NEBL: variants seen among roughly 807,000 people sequenced by gnomAD.
NEBL encodes nebulette.
NEBL carries 122 observed loss-of-function variants against 140.2 expected under a neutral mutation model. The observed-to-expected ratio is 0.87, with a 90% CI of 0.75 to 1.01. NEBL has a LOEUF of 1.01. NEBL is among the 50% of genes least tolerant of loss of function. The probability of loss-of-function intolerance (pLI) is 0.00; values close to 1 mark genes in which losing one functional copy is unlikely to be tolerated. For missense variants in NEBL, 1,365 were observed against 1,231.3 expected (o/e 1.11, Z -1.62); for synonymous variants, 436 against 398.9 (o/e 1.09, Z -1.11).
chr10:20,796,138 C>A (rs1357135239), intron 26 of NEBL, among the ~76,000 whole-genome samples: 1 of 151,766 alleles, frequency 6.6e-6, no homozygotes, highest in African/African-American at 2.4e-5. Flanking sequence ...CTGAGGCGGG[C>A]GGATCATTTG....
At chr10:20,838,661 A>T (rs11012355) in intron 13 of NEBL, among the ~76,000 whole-genome samples, 3,648 of 152,262 alleles carry the variant, frequency 0.024, 66 homozygotes, top group Non-Finnish European at 0.033. Context: ...GAAATCTTTC[A>T]TGAGAGGAAG....
intron 3 of NEBL, among the ~76,000 whole-genome samples, chr10:20,976,313 G>A (rs1836795309): frequency 6.6e-6 from 1 of 150,442 alleles, no homozygotes; most frequent in African/African-American, 2.5e-5. Flanking sequence ...CTGCACTCCA[G>A]CCTGGGCGAC....
At chr10:21,263,694 G>A (rs901340716) in intron 1 of NEBL, among the ~76,000 whole-genome samples, 9 of 152,248 alleles carry the variant, frequency 5.9e-5, no homozygotes, top group Non-Finnish European at 1.3e-4. Context: ...GCCAGGCACA[G>A]TGGCTCACGC....
At chr10:20,853,289 T>C (rs879930183) in intron 9 of NEBL, among the ~76,000 whole-genome samples, 14 of 152,298 alleles carry the variant, frequency 9.2e-5, no homozygotes, top group Middle Eastern at 3.4e-3. Context: ...TATTTGGACA[T>C]ATAGACAAAA....
chr10:21,248,484 A>AT (rs1842546925), intron 2 of NEBL, among the ~76,000 whole-genome samples: 1 of 152,174 alleles, frequency 6.6e-6, no homozygotes, highest in Non-Finnish European at 1.5e-5. Context: ...TCCATGTTGT[A>AT]TCATGTGTCA....
At chr10:21,261,357 G>C (rs1168742612) in intron 1 of NEBL, among the ~76,000 whole-genome samples, 1 of 152,094 alleles carries the variant, frequency 6.6e-6, no homozygotes, top group East Asian at 1.9e-4. Context: ...CTAATCATCA[G>C]TACCTTCAAA....
intron 12 of NEBL, among the ~76,000 whole-genome samples, chr10:20,842,879 C>G (rs1841528128): frequency 6.6e-6 from 1 of 152,042 alleles, no homozygotes; most frequent in Non-Finnish European, 1.5e-5. Flanking sequence ...CTCCCACCCT[C>G]CAGCCTCTGT....
At chr10:21,285,044 G>A (rs563163700) in intron 1 of NEBL, among the ~76,000 whole-genome samples, 1 of 152,152 alleles carries the variant, frequency 6.6e-6, no homozygotes, top group Non-Finnish European at 1.5e-5. Context: ...CTGAGTGACA[G>A]AGCAAAATCC....
At chr10:21,288,820 G>GTGTGTATATATATATATA (rs1477748950) in intron 1 of NEBL, among the ~76,000 whole-genome samples, 6 of 35,024 alleles carry the variant, frequency 1.7e-4, no homozygotes, top group African/African-American at 5.8e-4. Context: ...GTGTGTGTGT[G>GTGTGTATATATATATATA]TATATATATA....
intron 10 of NEBL, among the ~76,000 whole-genome samples, chr10:20,850,909 A>G (rs540064451): frequency 6.6e-6 from 1 of 152,364 alleles, no homozygotes; most frequent in East Asian, 1.9e-4. Flanking sequence ...AACAAGAAAG[A>G]AAACATGGGT....
chr10:21,277,458 C>T (rs184530849), intron 1 of NEBL, among the ~76,000 whole-genome samples: 35 of 152,308 alleles, frequency 2.3e-4, no homozygotes, highest in African/African-American at 8.4e-4. Context: ...GATCCACCCA[C>T]TTTTGCCTCT....
intron 4 of NEBL, among the ~76,000 whole-genome samples, chr10:20,919,673 C>G (rs886641979): frequency 6.6e-6 from 1 of 152,034 alleles, no homozygotes; most frequent in African/African-American, 2.4e-5. Flanking sequence ...TGCCTCACAC[C>G]AAGATAAATT....
chr10:21,233,867 ACATATATATG>A (rs1457482587), intron 3 of NEBL, among the ~76,000 whole-genome samples: 1 of 134,612 alleles, frequency 7.4e-6, no homozygotes, highest in African/African-American at 2.6e-5. Flanking sequence ...GATATATATT[ACATATATATG>A]CATATATAGA....
At chr10:20,885,274 T>C (rs1564419974) in intron 4 of NEBL, among the ~76,000 whole-genome samples, 2 of 152,210 alleles carry the variant, frequency 1.3e-5, no homozygotes, top group African/African-American at 2.4e-5. Flanking sequence ...AGGTAAACTC[T>C]AAGAATCACA....
intron 3 of NEBL, among the ~76,000 whole-genome samples, chr10:21,005,860 ATC>A (rs1838116801): frequency 2.0e-5 from 3 of 150,938 alleles, no homozygotes; most frequent in South Asian, 4.2e-4. Context: ...AAGTATTGCA[ATC>A]TTTTTTTTCC....
intron 2 of NEBL, among the ~76,000 whole-genome samples, chr10:21,139,262 C>CATG (rs749746755): frequency 1.3e-5 from 2 of 152,108 alleles, no homozygotes; most frequent in Non-Finnish European, 2.9e-5. Flanking sequence ...TTTTCATTAG[C>CATG]ATGAAGCTTT....
intron 4 of NEBL, among the ~76,000 whole-genome samples, chr10:20,933,778 G>C (rs1434051744): frequency 1.3e-5 from 2 of 152,056 alleles, no homozygotes; most frequent in African/African-American, 4.8e-5. Flanking sequence ...ATACAATAAA[G>C]CCTCACGGTT....
At chr10:21,277,683 C>T (rs765015114) in intron 1 of NEBL, among the ~76,000 whole-genome samples, 8 of 152,224 alleles carry the variant, frequency 5.3e-5, no homozygotes, top group Non-Finnish European at 8.8e-5. Flanking sequence ...TTGTCATTCC[C>T]TGCCTCTTGC....
chr10:21,121,199 T>C (rs192787482), intron 2 of NEBL, among the ~76,000 whole-genome samples: 14 of 152,254 alleles, frequency 9.2e-5, no homozygotes, highest in Non-Finnish European at 1.0e-4. Context: ...AAGAAGGAAA[T>C]GGTATTTCTT....
Sources: gnomAD v4.1 joint callset for allele counts (sites outside exome capture counted in the v4.1 genomes callset) on GRCh38, gnomAD v4.1.1 for gene constraint, MANE v1.5 for transcripts, NCBI Gene and HGNC (gene_info 2026-07-23, HGNC 2026-07-21) for gene names.